Variants in PMFBP1 observed in about 807,000 individuals in gnomAD.
PMFBP1 encodes the protein polyamine-modulated factor 1-binding protein 1.
PMFBP1 carries 131 observed loss-of-function variants against 137.8 expected under a neutral mutation model. The observed-to-expected ratio is 0.95, with a 90% CI of 0.82 to 1.10. The LOEUF is 1.10. Among genes scored for constraint, PMFBP1 ranks in the 50% least tolerant of loss-of-function variants. PMFBP1 has a pLI of 0.00. For synonymous variants in PMFBP1, 490 were observed against 450.4 expected (o/e 1.09, Z -1.11); for missense variants, 1,199 against 1,175.4 (o/e 1.02, Z -0.29).
chr16:72,226,976 A>G, the PMFBP1 span, among the ~76,000 whole-genome samples: 2 of 152,176 alleles, frequency 1.3e-5, no homozygotes, highest in African/African-American at 4.8e-5. Context: ...CCATATTACC[A>G]AATAGCTGAG....
At chr16:72,141,362 A>G (rs1465865260) in intron 5 of PMFBP1, among the ~76,000 whole-genome samples, 4 of 152,368 alleles carry the variant, frequency 2.6e-5, no homozygotes, top group East Asian at 3.8e-4. Context: ...TTCAAATTAC[A>G]TAAGTAATTA....
chr16:72,134,117 T>C (rs1387890993), intron 9 of PMFBP1, among the ~76,000 whole-genome samples: 2 of 152,108 alleles, frequency 1.3e-5, no homozygotes, highest in Non-Finnish European at 2.9e-5. Context: ...TGCTTGGCCC[T>C]CTTCCAAGTA....
the PMFBP1 span, among the ~76,000 whole-genome samples, chr16:72,249,813 C>T: frequency 6.8e-6 from 1 of 146,552 alleles, no homozygotes; most frequent in African/African-American, 2.5e-5. Context: ...CCCAGTTGCT[C>T]AGGAGGCTCA....
chr16:72,221,900 T>C, the PMFBP1 span, among the ~76,000 whole-genome samples: 1 of 152,196 alleles, frequency 6.6e-6, no homozygotes, highest in South Asian at 2.1e-4. Context: ...TTCCTCTATA[T>C]GAGGTGAAAT....
At chr16:72,184,528 A>G in the PMFBP1 span, among the ~76,000 whole-genome samples, 8 of 152,242 alleles carry the variant, frequency 5.3e-5, no homozygotes, top group Admixed American at 5.2e-4. Flanking sequence ...TGTAATCTGC[A>G]TAACAGCCCT....
At chr16:72,128,949 C>T (rs886742841) in intron 13 of PMFBP1, 117 bp downstream of exon 13, 1 of 1,511,700 alleles carries the variant, frequency 6.6e-7, no homozygotes, top group Non-Finnish European at 8.9e-7. Flanking sequence ...TTCCCACTGT[C>T]CCTCCCGTCT....
At chr16:72,239,885 C>CAAAAAAA in the PMFBP1 span, among the ~76,000 whole-genome samples, 33 of 21,292 alleles carry the variant, frequency 1.5e-3, no homozygotes, top group African/African-American at 4.4e-3. Flanking sequence ...ACTCCATGTA[C>CAAAAAAA]AAAAAAAAAA....
At chr16:72,133,089 C>A in intron 9 of PMFBP1, 98 bp from the exon 10 acceptor site, 1 of 1,467,822 alleles carries the variant, frequency 6.8e-7, no homozygotes, top group Non-Finnish European at 9.3e-7. Context: ...CCACTGGCAT[C>A]CCCTGCCTGG....
At chr16:72,167,047 G>GAA (rs2043154830) in intron 2 of PMFBP1, among the ~76,000 whole-genome samples, 1 of 152,202 alleles carries the variant, frequency 6.6e-6, no homozygotes, top group South Asian at 2.1e-4. Flanking sequence ...TGACTGGTCT[G>GAA]TCTTTTGAAA....
chr16:72,117,006 A>G (rs1253564746), downstream of PMFBP1, among the ~76,000 whole-genome samples: 1 of 140,278 alleles, frequency 7.1e-6, no homozygotes, highest in Non-Finnish European at 1.5e-5. Context: ...ATTCCATGTG[A>G]GTTTTAGGTT....
chr16:72,150,703 A>G lies in PMFBP1; in HGVS notation c.541T>C (p.Tyr181His), dbSNP rs761774789. The G allele has an allele frequency of 1.4e-5, 23 of 1,614,188 alleles. No homozygotes were observed. The highest frequency in any genetic ancestry group is 1.9e-5 in the Non-Finnish European group (22 of 1,180,022). Residue 181 changes from tyrosine (Y) to histidine (H), a missense_variant, in exon 5 of 21, where the codon TAC becomes CAC. Transcript: ENST00000237353. The part of the protein sequence containing the change: ...IASLERSLNL[Y>H]RDKYQSSLSN... ...AGGGAAGACTGGTATTTATCCCTGT[A>G]GAGGTTTAAGCTCCTCTCTAGAGAG...
chr16:72,171,356 C>T, intron 1 of PMFBP1, 88 bp from the exon 2 acceptor site: 1 of 878,272 alleles, frequency 1.1e-6, no homozygotes, highest in Non-Finnish European at 1.7e-6. Context: ...ATGCCCTCAG[C>T]AAGAGGTTTG....
intron 5 of PMFBP1, 44 bp downstream of exon 5, chr16:72,150,564 G>T: frequency 6.3e-7 from 1 of 1,580,456 alleles, no homozygotes; most frequent in Non-Finnish European, 8.7e-7. Flanking sequence ...CCACCTGGGA[G>T]CACATCCACT....
At chr16:72,131,441 A>G (rs972155706) in intron 10 of PMFBP1, among the ~76,000 whole-genome samples, 2 of 152,198 alleles carry the variant, frequency 1.3e-5, no homozygotes, top group Non-Finnish European at 2.9e-5. Context: ...ATTGGAATAC[A>G]TTAGAATAGA....
chr16:72,144,074 A>T (rs2042765413), intron 5 of PMFBP1, among the ~76,000 whole-genome samples: 1 of 152,168 alleles, frequency 6.6e-6, no homozygotes, highest in African/African-American at 2.4e-5. Context: ...AAATGTATAA[A>T]AGATCCCATT....
chr16:72,217,946 G>A, the PMFBP1 span, among the ~76,000 whole-genome samples: 1 of 152,148 alleles, frequency 6.6e-6, no homozygotes, highest in South Asian at 2.1e-4. Context: ...CACCATGGTC[G>A]ATTTCAAACT....
chr16:72,169,710 A>T (rs1253403941), intron 2 of PMFBP1, among the ~76,000 whole-genome samples: 1 of 152,218 alleles, frequency 6.6e-6, no homozygotes, highest in Middle Eastern at 3.4e-3. Context: ...TTAACAAATT[A>T]AAAAAGATAT....
chr16:72,171,847 T>C (rs1350676248), intron 1 of PMFBP1: 2 of 152,302 alleles, frequency 1.3e-5, no homozygotes, highest in Non-Finnish European at 2.9e-5. Context: ...TGCCATAATG[T>C]TGATGCTCAT....
the PMFBP1 span, among the ~76,000 whole-genome samples, chr16:72,234,784 T>C: frequency 1.9e-3 from 293 of 152,328 alleles, 1 homozygote; most frequent in African/African-American, 6.7e-3. Flanking sequence ...TTTATTTCCC[T>C]AATGACTAAT....
Sources: gnomAD v4.1 joint callset for allele counts (sites outside exome capture counted in the v4.1 genomes callset) on GRCh38, gnomAD v4.1.1 for gene constraint, MANE v1.5 for transcripts, NCBI Gene and HGNC (gene_info 2026-07-23, HGNC 2026-07-21) for gene names.